The following SLC25A48 variants were observed in gnomAD, a reference collection of about 807,000 sequenced individuals.
SLC25A48 encodes the protein CTC-321K16.1.
SLC25A48 carries 29 observed loss-of-function variants against 32.2 expected under a neutral mutation model. That is an observed-to-expected ratio of 0.90 (90% CI 0.67 to 1.23). SLC25A48 has a LOEUF of 1.23. SLC25A48 is among the 50% of genes most tolerant of loss of function. The pLI is 0.00. For synonymous variants in SLC25A48, 164 were observed against 172.3 expected (o/e 0.95, Z 0.38); for missense variants, 399 against 422.7 (o/e 0.94, Z 0.49).
chr5:135,834,866 G>T lies in SLC25A48; in HGVS notation c.19G>T (p.Glu7Ter). The change falls in exon 1 of 8, where the codon GAA becomes TAA. Residue 7 changes from glutamate (E) to a stop codon, truncating the protein, a stop_gained. Transcript: ENST00000681962. LOFTEE classifies it high-confidence loss of function. MGSFQL[E>*]DFAAGWIGGA... Reference sequence around the variant, plus strand: ...GCCGGCCATGGGAAGCTTCCAGCTGGAAGACTTTGCGGCGGGCTGGATCGG... The same window carrying T: ...GCCGGCCATGGGAAGCTTCCAGCTGTAAGACTTTGCGGCGGGCTGGATCGG... The T allele has an allele frequency of 6.2e-7, 1 of 1,605,362 alleles. No individual in the cohort carries two copies. The highest frequency in any genetic ancestry group is 8.5e-7 in the Non-Finnish European group (1 of 1,176,748).
chr5:135,841,079 T>C (rs1376241660), intron 1 of SLC25A48, among the ~76,000 whole-genome samples: 1 of 152,204 alleles, frequency 6.6e-6, no homozygotes, highest in African/African-American at 2.4e-5. Context: ...TGCCAACAGT[T>C]CTTTTCCACT....
intron 3 of SLC25A48, among the ~76,000 whole-genome samples, chr5:135,654,931 A>G (rs1202122626): frequency 6.6e-6 from 1 of 152,234 alleles, no homozygotes; most frequent in Non-Finnish European, 1.5e-5. Context: ...CTTGGCCCAG[A>G]GTGGATGCTC....
intron 4 of SLC25A48, among the ~76,000 whole-genome samples, chr5:135,860,166 A>G (rs1760666955): frequency 6.6e-6 from 1 of 152,214 alleles, no homozygotes; most frequent in South Asian, 2.1e-4. Flanking sequence ...GATTGGCTAG[A>G]TTAGGTTGCC....
At chr5:135,757,469 T>C (rs1484982808) in intron 3 of SLC25A48, among the ~76,000 whole-genome samples, 1 of 149,428 alleles carries the variant, frequency 6.7e-6, no homozygotes, top group Non-Finnish European at 1.5e-5. Flanking sequence ...TAACACACAA[T>C]AATATTAATA....
upstream of SLC25A48, among the ~76,000 whole-genome samples, chr5:135,833,900 G>C (rs546501575): frequency 3.9e-5 from 6 of 152,336 alleles, no homozygotes; most frequent in Admixed American, 6.5e-5. Flanking sequence ...AGTGGGACAA[G>C]AGCAGGCCCA....
intron 3 of SLC25A48, among the ~76,000 whole-genome samples, chr5:135,787,461 G>A (rs145216780): frequency 2.4e-4 from 37 of 152,030 alleles, no homozygotes; most frequent in South Asian, 4.2e-4. Flanking sequence ...GTTATTATTC[G>A]TAATATCTTA....
At chr5:135,671,252 A>C (rs1212600320) in intron 3 of SLC25A48, among the ~76,000 whole-genome samples, 1 of 152,222 alleles carries the variant, frequency 6.6e-6, no homozygotes, top group Non-Finnish European at 1.5e-5. Flanking sequence ...ACAAGCCCAG[A>C]CCTGGAGCTG....
intron 3 of SLC25A48, among the ~76,000 whole-genome samples, chr5:135,772,620 A>T (rs1756443253): frequency 6.8e-6 from 1 of 147,380 alleles, no homozygotes; most frequent in African/African-American, 2.5e-5. Context: ...TATTGTTGGT[A>T]ATAACTGGAG....
chr5:135,753,104 C>T (rs985637157), intron 3 of SLC25A48, among the ~76,000 whole-genome samples: 1 of 151,862 alleles, frequency 6.6e-6, no homozygotes, highest in African/African-American at 2.4e-5. Flanking sequence ...AATAATTGCT[C>T]AAGGATATAT....
intron 3 of SLC25A48, among the ~76,000 whole-genome samples, chr5:135,683,149 A>G (rs1048641465): frequency 6.6e-6 from 1 of 152,210 alleles, no homozygotes; most frequent in Non-Finnish European, 1.5e-5. Flanking sequence ...CTGCACCTGC[A>G]GATAACATAC....
intron 3 of SLC25A48, among the ~76,000 whole-genome samples, chr5:135,696,599 A>C (rs1754271777): frequency 6.6e-6 from 1 of 152,208 alleles, no homozygotes; most frequent in African/African-American, 2.4e-5. Flanking sequence ...TGCCAAAGCA[A>C]ATCCACACAA....
intron 1 of SLC25A48, among the ~76,000 whole-genome samples, chr5:135,838,173 G>T (rs915679665): frequency 1.3e-5 from 2 of 152,174 alleles, no homozygotes; most frequent in African/African-American, 4.8e-5. Flanking sequence ...GTGACATTTT[G>T]CCCCTGCCTT....
chr5:135,832,939 C>T (rs931174825), upstream of SLC25A48, among the ~76,000 whole-genome samples: 1 of 152,272 alleles, frequency 6.6e-6, no homozygotes, highest in East Asian at 1.9e-4. Flanking sequence ...TGCCCTCTCC[C>T]GAGTGTAGAA....
At chr5:135,591,550 TC>T (rs1751528687) in intron 1 of SLC25A48, among the ~76,000 whole-genome samples, 1 of 152,216 alleles carries the variant, frequency 6.6e-6, no homozygotes, top group South Asian at 2.1e-4. Context: ...CCTGGAGTGT[TC>T]CATGTATCCT....
intron 1 of SLC25A48, chr5:135,601,004 AACTG>A (rs4037079): frequency 0.22 from 33,214 of 151,778 alleles, 4,044 homozygotes; most frequent in African/African-American, 0.34. Context: ...TTTTTTGACT[AACTG>A]ACTGACTAAA....
intron 3 of SLC25A48, among the ~76,000 whole-genome samples, chr5:135,692,268 G>A (rs1297231768): frequency 2.8e-5 from 4 of 143,122 alleles, no homozygotes; most frequent in Non-Finnish European, 6.0e-5. Flanking sequence ...GCAGTGAGCC[G>A]AGATCACACC....
intron 3 of SLC25A48, among the ~76,000 whole-genome samples, chr5:135,752,369 G>A (rs529817091): frequency 7.2e-5 from 11 of 152,250 alleles, no homozygotes; most frequent in Middle Eastern, 3.4e-3. Context: ...CCAGGAGTTC[G>A]AGACCAGCCT....
chr5:135,785,668 G>C (rs1010077805), intron 3 of SLC25A48, among the ~76,000 whole-genome samples: 3 of 151,050 alleles, frequency 2.0e-5, no homozygotes, highest in Non-Finnish European at 4.4e-5. Flanking sequence ...CATGGGGAGA[G>C]GGGGGTGGAA....
chr5:135,627,402 T>A (rs931029559), intron 1 of SLC25A48, among the ~76,000 whole-genome samples: 7 of 152,210 alleles, frequency 4.6e-5, no homozygotes, highest in African/African-American at 1.7e-4. Context: ...AGGTCATGAC[T>A]ATGATTCTGC....
Sources: allele counts gnomAD v4.1 joint callset (sites outside exome capture counted in the v4.1 genomes callset), GRCh38; gene constraint gnomAD v4.1.1; transcripts MANE v1.5; gene names NCBI Gene and HGNC (gene_info 2026-07-23, HGNC 2026-07-21).